COL27A1: variants seen among roughly 807,000 people sequenced by gnomAD.
The protein encoded by COL27A1 is collagen type XXVII alpha 1 chain.
COL27A1 carries 106 observed loss-of-function variants against 251.3 expected under a neutral mutation model. The observed-to-expected ratio is 0.42, with a 90% CI of 0.36 to 0.50. COL27A1 has a LOEUF of 0.50. COL27A1 is among the 20% of genes least tolerant of loss of function. The pLI, the probability that COL27A1 is intolerant of heterozygous loss-of-function variation, is 0.00. For synonymous variants in COL27A1, 1,000 were observed against 986.3 expected (o/e 1.01, Z -0.26); for missense variants, 2,325 against 2,522.8 (o/e 0.92, Z 1.68).
chr9:114,290,735 C>G lies in COL27A1; in HGVS notation c.4369-75C>G, dbSNP rs540404658. On this transcript the variant is annotated intron_variant, in intron 47 of 60. Transcript: ENST00000356083. The surrounding 1 kb of genome is among the most constrained non-coding windows in gnomAD (Gnocchi z 4.6). The stretch of plus-strand genomic sequence containing the variant: ...CCTCCAGCTTCACCCAGGGTTTGCC[C>G]AGGCGTTGAGCCATCTGCTTCCTTG... The G allele has an allele frequency of 5.4e-4, 625 of 1,148,630 alleles. No homozygotes were observed. The highest frequency in any genetic ancestry group is 7.2e-4 in the Non-Finnish European group (588 of 811,514). The allele number at this position is 1,148,630 out of a possible 1,614,324, so 71.2% of individuals were successfully genotyped here.
At chr9:114,245,097 C>T (rs891031281) in intron 23 of COL27A1, among the ~76,000 whole-genome samples, 5 of 151,608 alleles carry the variant, frequency 3.3e-5, no homozygotes, top group African/African-American at 1.2e-4. Flanking sequence ...GTCCCATTTC[C>T]CTGCTCTTCC....
intron 12 of COL27A1, 111 bp from the exon 13 acceptor site, chr9:114,219,680 T>G: frequency 1.3e-6 from 1 of 766,370 alleles, no homozygotes; most frequent in Non-Finnish European, 2.3e-6. Flanking sequence ...GACCAAGGAG[T>G]GAGACTGCTT....
At chr9:114,285,113 A>G (rs998170905) in intron 41 of COL27A1, among the ~76,000 whole-genome samples, 1 of 152,256 alleles carries the variant, frequency 6.6e-6, no homozygotes, top group Non-Finnish European at 1.5e-5. Context: ...CTGTGTGGAC[A>G]TGGGAATTGA....
chr9:114,284,807 C>T (rs1792288846), intron 41 of COL27A1, 30 bp downstream of exon 41: 1 of 1,613,076 alleles, frequency 6.2e-7, no homozygotes, highest in Non-Finnish European at 8.5e-7. Context: ...AAAGCAGCTG[C>T]ACCCTCGTGT....
At chr9:114,183,348 T>C (rs1164653064) in intron 5 of COL27A1, among the ~76,000 whole-genome samples, 2 of 152,076 alleles carry the variant, frequency 1.3e-5, no homozygotes, top group Non-Finnish European at 2.9e-5. Flanking sequence ...TCTTGCTAAA[T>C]AGGGAAGGCT....
chr9:114,189,276 C>T (rs16927141), intron 5 of COL27A1, among the ~76,000 whole-genome samples: 16,632 of 152,158 alleles, frequency 0.11, 2,607 homozygotes, highest in African/African-American at 0.35. Context: ...AGCATTATTT[C>T]TCCTCCAACA....
Position 114,206,257 on chromosome 9 carries a change from A to G in COL27A1, c.2229A>G (p.Leu743=). 6.2e-7 allele frequency: 1 copy of G among 1,614,116 alleles called. No individual in the cohort carries two copies. Among genetic ancestry groups the G allele is most frequent in the South Asian group, 1.1e-5 (1 of 91,076 alleles). Residue 743 remains leucine, a synonymous_variant, in exon 10 of 61, where the codon TTA becomes TTG. Coordinates refer to ENST00000356083, the MANE Select transcript of COL27A1 (RefSeq NM_032888.4). ...GAKGYPGRQG[L]PGPVGDPGPK... is the part of the protein sequence containing the mutation. ...CTCTGTGTTTTGTGTTTCAGGGGTTACCTGGACCGGTAGGAGATCCCGGCC... is the reference window on the plus strand; with the variant it reads ...CTCTGTGTTTTGTGTTTCAGGGGTTGCCTGGACCGGTAGGAGATCCCGGCC...
At chr9:114,205,971 C>T (rs1199365965) in intron 9 of COL27A1, among the ~76,000 whole-genome samples, 159 bp downstream of exon 9, 1 of 152,152 alleles carries the variant, frequency 6.6e-6, no homozygotes, top group African/African-American at 2.4e-5. Flanking sequence ...ACCAAGGAAG[C>T]CTGTCTTTGC....
intron 58 of COL27A1, 72 bp downstream of exon 58, chr9:114,306,760 C>T: frequency 6.5e-7 from 1 of 1,547,074 alleles, no homozygotes; most frequent in Admixed American, 2.0e-5. Flanking sequence ...TATTTGATTT[C>T]CGCCGCATTT....
chr9:114,206,562 CA>C (rs1269969970), intron 10 of COL27A1, among the ~76,000 whole-genome samples: 1 of 152,214 alleles, frequency 6.6e-6, no homozygotes, highest in Non-Finnish European at 1.5e-5. Flanking sequence ...AACAGCTAGG[CA>C]TTTGTTTGCT....
In COL27A1 at chr9:114,282,411, C is replaced by T. The variant is rs201026391; in HGVS notation, c.3772-46C>T. The T allele has an allele frequency of 4.3e-4, 684 of 1,608,520 alleles. 1 individual carries two copies. Among genetic ancestry groups the T allele is most frequent in the Admixed American group, 2.1e-3 (127 of 59,832 alleles). ...CACATCCCTCCCCTCCCTGGACCCTCCGTCCTGTTGGGCCTGGTGACAGCT... is the reference window on the plus strand; with the variant it reads ...CACATCCCTCCCCTCCCTGGACCCTTCGTCCTGTTGGGCCTGGTGACAGCT... On this transcript the variant is annotated intron_variant, in intron 38 of 60. Transcript: ENST00000356083.
At chr9:114,291,783 G>C (rs1308933413) in intron 48 of COL27A1, among the ~76,000 whole-genome samples, 1 of 152,036 alleles carries the variant, frequency 6.6e-6, no homozygotes, top group African/African-American at 2.4e-5. Context: ...TGGGGAGGAG[G>C]CATTCTACGA....
At chr9:114,195,421 C>T (rs1006988002) in intron 6 of COL27A1, among the ~76,000 whole-genome samples, 5 of 152,116 alleles carry the variant, frequency 3.3e-5, no homozygotes, top group Non-Finnish European at 5.9e-5. Flanking sequence ...AATGAGAAAA[C>T]GGAGGCCTAG....
At chr9:114,201,721 C>G (rs867228007) in intron 7 of COL27A1, among the ~76,000 whole-genome samples, 8 of 151,968 alleles carry the variant, frequency 5.3e-5, no homozygotes, top group Non-Finnish European at 1.2e-4. Context: ...TGGTTTGGGG[C>G]TCTTTCAACT....
rs200144488 is a variant in COL27A1 at position 114,169,456 on chromosome 9, G to C, written c.1901G>C (p.Gly634Ala). The change falls in exon 3 of 61, where the codon GGC becomes GCC. Residue 634 changes from glycine (G) to alanine (A), a missense_variant. Gly to Ala is a moderately conservative substitution (Grantham distance 60). Coordinates refer to ENST00000356083, the MANE Select transcript of COL27A1 (RefSeq NM_032888.4). ...CCTCCGGGACCCAAGGGAGACTGTG[G>C]CTTGCCGGTAAGACTGAGTGGGGTC... ...MGPPGPKGDC[G>A]LPGPPGLPGL... The C allele has an allele frequency of 3.3e-6, 5 of 1,534,524 alleles. No individual in the cohort carries two copies. The East Asian group carries it at 1.1e-4, about 35-fold the overall frequency.
chr9:114,274,586 A>G (rs1218592648), intron 36 of COL27A1, among the ~76,000 whole-genome samples: 1 of 152,228 alleles, frequency 6.6e-6, no homozygotes, highest in African/African-American at 2.4e-5. Context: ...CACTCCCCAG[A>G]GAAAGTATTC....
rs1431754712 is a variant in COL27A1, at chr9:114,265,441, G to GC, written c.3365dup (p.Gly1123ArgfsTer47). ...CTGCAGGGCATCCCGGGTCCCTCAG[G>GC]CCCCCCAGGCACCAAGGGCCTCCCA... On this transcript the variant is annotated frameshift_variant, in exon 32 of 61. Coordinates refer to ENST00000356083, the MANE Select transcript of COL27A1 (RefSeq NM_032888.4). LOFTEE classifies it high-confidence loss of function. 6.2e-7 allele frequency: 1 copy of GC among 1,613,838 alleles called. No homozygotes were observed. The highest frequency in any genetic ancestry group is 8.5e-7 in the Non-Finnish European group (1 of 1,179,924).
intron 27 of COL27A1, among the ~76,000 whole-genome samples, chr9:114,254,805 T>C (rs527364601): frequency 6.6e-6 from 1 of 152,250 alleles, no homozygotes; most frequent in South Asian, 2.1e-4. Context: ...TCCCTGGAGG[T>C]ACAAAAATGG....
chr9:114,295,096 T>C (rs1218167347), intron 49 of COL27A1, among the ~76,000 whole-genome samples: 1 of 152,252 alleles, frequency 6.6e-6, no homozygotes, highest in Non-Finnish European at 1.5e-5. Flanking sequence ...ATGAATTGCA[T>C]TTCTATACAC....
Sources: allele counts gnomAD v4.1 joint callset (sites outside exome capture counted in the v4.1 genomes callset), GRCh38; gene constraint gnomAD v4.1.1; non-coding constraint Gnocchi (gnomAD v3.1); transcripts MANE v1.5; gene names NCBI Gene and HGNC (gene_info 2026-07-23, HGNC 2026-07-21).